TMPRSS2: variants seen among roughly 807,000 people sequenced by gnomAD.
The protein encoded by TMPRSS2 is transmembrane protease serine 2.
Under a neutral mutation model 67.4 loss-of-function variants are expected in TMPRSS2, and 59 were observed. That is an observed-to-expected ratio of 0.88 (90% CI 0.71 to 1.09). TMPRSS2 has a LOEUF of 1.09. Ranked by LOEUF, TMPRSS2 falls within the 50% of genes least tolerant of loss-of-function variation. The pLI, the probability that TMPRSS2 is intolerant of heterozygous loss-of-function variation, is 0.00. For synonymous variants in TMPRSS2, 257 were observed against 257.0 expected (o/e 1.00, Z 0.00); for missense variants, 668 against 642.7 (o/e 1.04, Z -0.43).
At position 41,508,136 on chromosome 21, in the gene TMPRSS2, T is replaced by C. The variant is rs1441213216; in HGVS notation, c.-112A>G. ...CTCGCCCTCCGCCTCCGCCTCCGCCTCCTGCTTAGCTCGCGCCTACTCGGC... is the reference window on the plus strand; with the variant it reads ...CTCGCCCTCCGCCTCCGCCTCCGCCCCCTGCTTAGCTCGCGCCTACTCGGC... On this transcript the variant is annotated 5_prime_UTR_variant, in exon 1 of 14. Coordinates refer to ENST00000332149, the MANE Select transcript of TMPRSS2 (RefSeq NM_005656.4). The C allele has an allele frequency of 6.8e-6, 6 of 886,884 alleles. No individual in the cohort carries two copies. The allele number at this position is 886,884 out of a possible 1,614,324, so 54.9% of individuals were successfully genotyped here.
rs773618232 is a variant in TMPRSS2 at position 41,466,110 on chromosome 21, T to G, written c.*32A>C. 1 of 1,613,536 alleles carries G rather than the reference T, an allele frequency of 6.2e-7. No homozygotes were observed. Among genetic ancestry groups the G allele is most frequent in the Admixed American group, 1.7e-5 (1 of 59,908 alleles). On this transcript the variant is annotated 3_prime_UTR_variant, in exon 14 of 14. Transcript: ENST00000332149. Reference sequence around the variant, plus strand: ...CAAAACCAGCCCCATTGTTTTCTTGTAAAACGACGTCAAGGACGAAGACCA... The same window carrying G: ...CAAAACCAGCCCCATTGTTTTCTTGGAAAACGACGTCAAGGACGAAGACCA...
At chr21:41,473,857 A>G (rs1781873222) in intron 8 of TMPRSS2, among the ~76,000 whole-genome samples, 1 of 147,380 alleles carries the variant, frequency 6.8e-6, no homozygotes, top group South Asian at 2.2e-4. Flanking sequence ...TGGGAGGGGC[A>G]GGGCTGGAAG....
At chr21:41,489,958 G>A (rs1405941689) in intron 3 of TMPRSS2, among the ~76,000 whole-genome samples, 1 of 152,046 alleles carries the variant, frequency 6.6e-6, no homozygotes, top group Non-Finnish European at 1.5e-5. Flanking sequence ...GACCAGCCTG[G>A]CCAACATGGT....
intron 4 of TMPRSS2, 118 bp from the exon 5 acceptor site, chr21:41,488,631 C>T: frequency 8.4e-7 from 1 of 1,196,068 alleles, no homozygotes; most frequent in South Asian, 1.5e-5. Flanking sequence ...CCTGGCCCCA[C>T]TGTGTTTTGT....
In TMPRSS2 at chr21:41,470,813, T is replaced by A. The variant is rs573482152; in HGVS notation, c.1076-70A>T. The A allele has an allele frequency of 1.7e-4, 229 of 1,334,734 alleles. 3 individuals are homozygous for A. In the Middle Eastern group the frequency reaches 2.3e-3, roughly 13 times the overall value. The allele number at this position is 1,334,734 out of a possible 1,614,324, so 82.7% of individuals were successfully genotyped here. On this transcript the variant is annotated intron_variant, in intron 10 of 13. Transcript: ENST00000332149. ...TATGTCTCCACCTGGCCTTCCCACA[T>A]GCAGGCTGCTGGGCCTGGCACCCTG...
Position 41,470,714 on chromosome 21 carries a change from G to T in TMPRSS2, c.1105C>A (p.Pro369Thr). The stretch of plus-strand genomic sequence containing the variant: ...TGTTCTGGCTGCAGCATCATGCCTG[G>T]GTTGGGCAGACACACTGGTTTCACT... The part of the protein sequence containing the change: ...DLVKPVCLPN[P>T]GMMLQPEQLC... The change falls in exon 11 of 14, where the codon CCA becomes ACA. Residue 369 changes from proline (P) to threonine (T), a missense_variant. Transcript: ENST00000332149. 1 of 1,613,558 alleles carries T rather than the reference G, an allele frequency of 6.2e-7. No individual in the cohort carries two copies. The highest frequency in any genetic ancestry group is 8.5e-7 in the Non-Finnish European group (1 of 1,179,976).
chr21:41,464,693 A>C lies in TMPRSS2; in HGVS notation c.*1449T>G, dbSNP rs2091070712. 4.3e-6 allele frequency: 1 copy of C among 233,232 alleles called. No individual in the cohort carries two copies. Among genetic ancestry groups the C allele is most frequent in the Admixed American group, 5.6e-5 (1 of 17,792 alleles). 14.4% of individuals were successfully genotyped at this position (233,232 alleles called of 1,614,324 possible). A position where few individuals can be genotyped will look rare whatever the true frequency, so the allele number is the denominator to read the frequency against. On this transcript the variant is annotated 3_prime_UTR_variant, in exon 14 of 14. Coordinates refer to ENST00000332149, the MANE Select transcript of TMPRSS2 (RefSeq NM_005656.4). ...GGCAATAAAGAAGGAAGACGTTTTC[A>C]CCATTACAACACCTTTTAGGATGTG...
chr21:41,476,246 G>T (rs2146444260), intron 8 of TMPRSS2, among the ~76,000 whole-genome samples: 1 of 152,276 alleles, frequency 6.6e-6, no homozygotes, highest in African/African-American at 2.4e-5. Flanking sequence ...GGCTGCCAGG[G>T]CTCACTAACG....
Position 41,464,669 on chromosome 21 carries a change from G to A in TMPRSS2, c.*1473C>T, listed in dbSNP as rs1447345417. ...CAGTTGTTCACATAAATAAGAAGGG[G>A]CAATAAAGAAGGAAGACGTTTTCAC... On this transcript the variant is annotated 3_prime_UTR_variant, in exon 14 of 14. Transcript: ENST00000332149. 4.3e-6 allele frequency: 1 copy of A among 233,098 alleles called. No homozygotes were observed. Among genetic ancestry groups the A allele is most frequent in the Non-Finnish European group, 8.5e-6 (1 of 118,028 alleles). 14.4% of individuals were successfully genotyped at this position (233,098 alleles called of 1,614,324 possible).
At position 41,464,988 on chromosome 21, in the gene TMPRSS2, T is replaced by C. The variant is rs535656628; in HGVS notation, c.*1154A>G. The C allele has an allele frequency of 9.4e-5, 22 of 233,166 alleles. No individual in the cohort carries two copies. The highest frequency in any genetic ancestry group is 1.8e-4 in the Non-Finnish European group (21 of 118,064). 14.4% of individuals were successfully genotyped at this position (233,166 alleles called of 1,614,324 possible). A position where few individuals can be genotyped will look rare whatever the true frequency, so the allele number is the denominator to read the frequency against. On this transcript the variant is annotated 3_prime_UTR_variant, in exon 14 of 14. Transcript: ENST00000332149. ...TCCCCTGGTTGGAAACCCACAGCATTGGAAGGGACCACAGAGAGTCCAAAA... is the reference window on the plus strand; with the variant it reads ...TCCCCTGGTTGGAAACCCACAGCATCGGAAGGGACCACAGAGAGTCCAAAA...
At chr21:41,479,308 T>C in intron 6 of TMPRSS2, 26 bp from the exon 7 acceptor site, 1 of 1,569,860 alleles carries the variant, frequency 6.4e-7, no homozygotes, top group Non-Finnish European at 8.8e-7. Flanking sequence ...TTATTTGTGA[T>C]AATGGTTAAG....
At chr21:41,500,925 G>A (rs554550449) in intron 1 of TMPRSS2, among the ~76,000 whole-genome samples, 1 of 152,312 alleles carries the variant, frequency 6.6e-6, no homozygotes, top group South Asian at 2.1e-4. Context: ...CTTTCAAAGA[G>A]TCCTGCCTAA....
At chr21:41,475,770 C>T (rs1333279342) in intron 8 of TMPRSS2, among the ~76,000 whole-genome samples, 1 of 151,222 alleles carries the variant, frequency 6.6e-6, no homozygotes, top group Non-Finnish European at 1.5e-5. Flanking sequence ...GGTCTGCTGC[C>T]TTCCCTGCTT....
At chr21:41,485,335 T>G (rs762602293) in intron 5 of TMPRSS2, among the ~76,000 whole-genome samples, 4 of 152,032 alleles carry the variant, frequency 2.6e-5, no homozygotes, top group South Asian at 4.1e-4. Flanking sequence ...CACCCACATG[T>G]GCACATAGGA....
At chr21:41,507,885 C>A (rs2091469493) in intron 1 of TMPRSS2, 196 bp downstream of exon 1, 1 of 1,484,618 alleles carries the variant, frequency 6.7e-7, no homozygotes, top group Non-Finnish European at 8.9e-7. Context: ...GCCCAGCACT[C>A]TCCCAGCACC....
At chr21:41,473,245 G>C in intron 9 of TMPRSS2, 80 bp downstream of exon 9, 1 of 1,443,628 alleles carries the variant, frequency 6.9e-7, no homozygotes, top group Non-Finnish European at 9.3e-7. Context: ...GGGCTGCAAG[G>C]GTTGAGACCT....
At chr21:41,502,585 C>T (rs949533430) in intron 1 of TMPRSS2, 17 of 985,214 alleles carry the variant, frequency 1.7e-5, no homozygotes, top group African/African-American at 5.2e-5. Flanking sequence ...CCAAAATAAC[C>T]GCACTAATAT....
chr21:41,498,565 C>T (rs1278576488), intron 1 of TMPRSS2, among the ~76,000 whole-genome samples: 1 of 152,184 alleles, frequency 6.6e-6, no homozygotes, highest in African/African-American at 2.4e-5. Context: ...CAAGGCCACC[C>T]ACAACTCCAG....
intron 1 of TMPRSS2, among the ~76,000 whole-genome samples, chr21:41,500,621 C>T (rs1288926744): frequency 6.6e-6 from 1 of 152,206 alleles, no homozygotes; most frequent in Non-Finnish European, 1.5e-5. Context: ...ATTTACTCTT[C>T]AATTACAGAT....
Sources: allele counts gnomAD v4.1 joint callset (sites outside exome capture counted in the v4.1 genomes callset), GRCh38; gene constraint gnomAD v4.1.1; transcripts MANE v1.5; gene names NCBI Gene and HGNC (gene_info 2026-07-23, HGNC 2026-07-21).